The following LOC728743 variants were observed in gnomAD, a reference collection of about 807,000 sequenced individuals.
At chr7:150,403,665 C>G in the LOC728743 span, among the ~76,000 whole-genome samples, 4 of 152,182 alleles carry the variant, frequency 2.6e-5, no homozygotes, top group African/African-American at 9.7e-5. This position sits in a 1 kb window ranked among gnomAD's most constrained non-coding sequence, Gnocchi z 5.1. Context: ...GTCCTATGGA[C>G]TAGTTTCTTT....
At chr7:150,401,792 G>A in the LOC728743 span, among the ~76,000 whole-genome samples, 2 of 152,194 alleles carry the variant, frequency 1.3e-5, no homozygotes, top group Admixed American at 6.5e-5. Context: ...GTATTTAAAT[G>A]TGGCTTGTAC....
chr7:150,408,199 G>C, the LOC728743 span: 1 of 392,194 alleles, frequency 2.5e-6, no homozygotes, highest in East Asian at 3.6e-5. Flanking sequence ...AGGGCCAGGC[G>C]GCCCACTTAG....
At chr7:150,408,019 G>A in the LOC728743 span, 1 of 397,418 alleles carries the variant, frequency 2.5e-6, no homozygotes, top group South Asian at 1.3e-4. Flanking sequence ...TCCGCGAGCC[G>A]CGCTTCCTGC....
the LOC728743 span, among the ~76,000 whole-genome samples, chr7:150,408,705 C>T: frequency 6.6e-6 from 1 of 152,194 alleles, no homozygotes; most frequent in African/African-American, 2.4e-5. Context: ...CAACCTCAGC[C>T]CCTAGGCCTC....
chr7:150,406,779 G>T, the LOC728743 span, among the ~76,000 whole-genome samples: 1 of 152,170 alleles, frequency 6.6e-6, no homozygotes, highest in African/African-American at 2.4e-5. Context: ...TCAGCCTTGG[G>T]CCAGGCTTTG....
At chr7:150,409,142 G>C in the LOC728743 span, among the ~76,000 whole-genome samples, 6 of 136,576 alleles carry the variant, frequency 4.4e-5, no homozygotes, top group Admixed American at 2.2e-4. Flanking sequence ...TGTTTTCAAG[G>C]GAGGGGGGGT....
chr7:150,403,811 G>A, the LOC728743 span, among the ~76,000 whole-genome samples: 2 of 152,342 alleles, frequency 1.3e-5, no homozygotes, highest in East Asian at 3.9e-4. This position sits in a 1 kb window ranked among gnomAD's most constrained non-coding sequence, Gnocchi z 5.1. Context: ...GTTGGGGTAG[G>A]AGTGGATTCT....
the LOC728743 span, chr7:150,405,766 C>G: frequency 6.6e-6 from 1 of 151,950 alleles, no homozygotes; most frequent in Non-Finnish European, 1.5e-5. Context: ...CGTCGCGGGA[C>G]GCTTGCCGTC....
chr7:150,407,901 C>G, the LOC728743 span: 1 of 418,250 alleles, frequency 2.4e-6, no homozygotes, highest in Middle Eastern at 3.2e-4. Context: ...CGGCCCTTCC[C>G]CTGCCCCGAG....
chr7:150,401,227 A>C, the LOC728743 span, among the ~76,000 whole-genome samples: 6 of 137,802 alleles, frequency 4.4e-5, no homozygotes, highest in Non-Finnish European at 9.8e-5. Context: ...AGGTTCTCGG[A>C]AAATGGTTGT....
the LOC728743 span, among the ~76,000 whole-genome samples, chr7:150,407,163 G>A: frequency 6.6e-6 from 1 of 152,190 alleles, no homozygotes; most frequent in African/African-American, 2.4e-5. Flanking sequence ...TCTGTCTAGT[G>A]TCTTGTGTGG....
chr7:150,403,860 C>G, the LOC728743 span, among the ~76,000 whole-genome samples: 3 of 152,190 alleles, frequency 2.0e-5, no homozygotes, highest in Admixed American at 2.0e-4. This position sits in a 1 kb window ranked among gnomAD's most constrained non-coding sequence, Gnocchi z 5.1. Context: ...CCTGGTGGGG[C>G]AGACTGGTCC....
chr7:150,408,924 C>T, the LOC728743 span, among the ~76,000 whole-genome samples: 1 of 152,330 alleles, frequency 6.6e-6, no homozygotes, highest in Middle Eastern at 3.4e-3. Flanking sequence ...CCGGGCTGGG[C>T]TCTCCCAGAG....
the LOC728743 span, among the ~76,000 whole-genome samples, chr7:150,403,660 A>C: frequency 2.0e-5 from 3 of 152,246 alleles, no homozygotes; most frequent in East Asian, 5.8e-4. This position sits in a 1 kb window ranked among gnomAD's most constrained non-coding sequence, Gnocchi z 5.1. Context: ...CATCTGTCCT[A>C]TGGACTAGTT....
the LOC728743 span, chr7:150,410,748 C>T: frequency 6.6e-6 from 1 of 152,246 alleles, no homozygotes; most frequent in Non-Finnish European, 1.5e-5. Context: ...GACTCAAAAA[C>T]CCCAAGCAAT....
chr7:150,409,811 C>T, the LOC728743 span, among the ~76,000 whole-genome samples: 1 of 152,092 alleles, frequency 6.6e-6, no homozygotes, highest in Non-Finnish European at 1.5e-5. Flanking sequence ...CTCCCCACTG[C>T]CCCCTCTGCC....
chr7:150,410,233 C>A, the LOC728743 span: 1 of 398,670 alleles, frequency 2.5e-6, no homozygotes, highest in South Asian at 1.3e-4. Flanking sequence ...GAATGGAGTT[C>A]CATGGAGGCC....
the LOC728743 span, chr7:150,405,618 G>C: frequency 6.6e-6 from 1 of 152,092 alleles, no homozygotes; most frequent in East Asian, 1.9e-4. Flanking sequence ...ACGTATTTTC[G>C]TGGGGGTGGG....
chr7:150,408,728 C>T, the LOC728743 span, among the ~76,000 whole-genome samples: 1 of 152,260 alleles, frequency 6.6e-6, no homozygotes, highest in Non-Finnish European at 1.5e-5. Context: ...GGCTCCTGTA[C>T]ACACTCTCTG....
Sources: gnomAD v4.1 joint callset for allele counts (sites outside exome capture counted in the v4.1 genomes callset) on GRCh38, gnomAD v4.1.1 for gene constraint, Gnocchi (gnomAD v3.1) non-coding constraint, MANE v1.5 for transcripts.